SIK3: variants seen among roughly 807,000 people sequenced by gnomAD.
The protein encoded by SIK3 is serine/threonine-protein kinase SIK3.
SIK3 carries 28 observed loss-of-function variants against 144.2 expected under a neutral mutation model. That is an observed-to-expected ratio of 0.19 (90% CI 0.14 to 0.27). SIK3 has a LOEUF of 0.27. Ranked by LOEUF, SIK3 falls within the 10% of genes least tolerant of loss-of-function variation. The probability of loss-of-function intolerance (pLI) is 1.00; values close to 1 mark genes in which losing one functional copy is unlikely to be tolerated. For synonymous variants in SIK3, 686 were observed against 676.3 expected, an observed-to-expected ratio of 1.01 and a Z score of -0.22; for missense variants, 1,319 against 1,776.0, an observed-to-expected ratio of 0.74 and a Z score of 4.62.
rs1389468305 is a variant in SIK3, at chr11:116,849,703, G to A, written c.3656-420C>T. On this transcript the variant is annotated intron_variant, in intron 21 of 24. Coordinates refer to ENST00000445177, the MANE Select transcript of SIK3 (RefSeq NM_001366686.3). The surrounding 1 kb of genome is among the most constrained non-coding windows in gnomAD (Gnocchi z 4.2). Reference sequence around the variant, plus strand: ...TCCCCCGGTGACCTCAGTGTACCACGCTGCTACTCTCCTCTTTCTACTTCT... The same window carrying A: ...TCCCCCGGTGACCTCAGTGTACCACACTGCTACTCTCCTCTTTCTACTTCT... Among the ~76,000 whole-genome samples the A allele has an allele frequency of 6.6e-6, 1 of 152,170 alleles. No homozygotes were observed. The highest frequency in any genetic ancestry group is 2.1e-4 in the South Asian group (1 of 4,824).
At chr11:116,955,249 T>C (rs893268604) in intron 2 of SIK3, among the ~76,000 whole-genome samples, 3 of 151,992 alleles carry the variant, frequency 2.0e-5, no homozygotes, top group Non-Finnish European at 4.4e-5. Flanking sequence ...AATACAAAAA[T>C]TAGCTGGGCG....
chr11:116,858,727 A>G lies in SIK3; in HGVS notation c.2766-28T>C. On this transcript the variant is annotated intron_variant, in intron 20 of 24. Transcript: ENST00000445177. The surrounding 1 kb of genome is among the most constrained non-coding windows in gnomAD (Gnocchi z 5.4). ...GCAGACACAAAAGGGAGTACCAGAC[A>G]TCCATGTAACAAGTACTAGACTTCC... is the stretch of plus-strand genomic sequence containing the variant. 1 of 1,520,422 alleles carries G rather than the reference A, an allele frequency of 6.6e-7. No homozygotes were observed. The highest frequency in any genetic ancestry group is 8.8e-7 in the Non-Finnish European group (1 of 1,134,106). The allele number at this position is 1,520,422 out of a possible 1,614,324, so 94.2% of individuals were successfully genotyped here. A position where few individuals can be genotyped will look rare whatever the true frequency, so the allele number is the denominator to read the frequency against.
intron 1 of SIK3, among the ~76,000 whole-genome samples, chr11:117,033,569 C>T (rs1168130255): frequency 9.9e-5 from 15 of 151,490 alleles, no homozygotes; most frequent in Non-Finnish European, 1.6e-4. Flanking sequence ...ATTAGCCAGG[C>T]GTCGTGGTGG....
At chr11:117,013,092 C>T (rs139083917) in intron 1 of SIK3, among the ~76,000 whole-genome samples, 33 of 152,140 alleles carry the variant, frequency 2.2e-4, no homozygotes, top group African/African-American at 7.5e-4. Flanking sequence ...ATAGTAGGTA[C>T]CCAACTTTTT....
chr11:117,029,546 G>A (rs1210940203), intron 1 of SIK3, among the ~76,000 whole-genome samples: 1 of 152,144 alleles, frequency 6.6e-6, no homozygotes, highest in Non-Finnish European at 1.5e-5. Context: ...GGGCGTATCA[G>A]TTAAGACACC....
chr11:116,881,346 T>C (rs767485388), intron 6 of SIK3, among the ~76,000 whole-genome samples: 14 of 151,894 alleles, frequency 9.2e-5, no homozygotes, highest in Non-Finnish European at 1.9e-4. Context: ...GCAGTGAGAG[T>C]CACTGTGGGC....
At chr11:116,996,509 C>A (rs1346040859) in intron 1 of SIK3, among the ~76,000 whole-genome samples, 1 of 151,924 alleles carries the variant, frequency 6.6e-6, no homozygotes, top group Admixed American at 6.6e-5. Flanking sequence ...GGGGGAGACC[C>A]AACAGGATTA....
intron 3 of SIK3, chr11:116,950,389 AG>A: frequency 3.7e-6 from 1 of 270,164 alleles, no homozygotes; most frequent in South Asian, 3.0e-5. Context: ...ATCAAAATGG[AG>A]TCACTCATGC....
At chr11:117,001,380 C>T (rs1191248742) in intron 1 of SIK3, among the ~76,000 whole-genome samples, 1 of 152,128 alleles carries the variant, frequency 6.6e-6, no homozygotes, top group Non-Finnish European at 1.5e-5. Context: ...GCGGTGTGCA[C>T]CTATATTCCC....
chr11:116,917,275 G>A (rs978082291), intron 4 of SIK3, among the ~76,000 whole-genome samples: 3 of 152,036 alleles, frequency 2.0e-5, no homozygotes, highest in Non-Finnish European at 2.9e-5. Flanking sequence ...TTATATAAAC[G>A]TTCTTAGAGT....
intron 1 of SIK3, among the ~76,000 whole-genome samples, chr11:116,977,377 A>C (rs1047310292): frequency 1.3e-5 from 2 of 152,142 alleles, no homozygotes; most frequent in African/African-American, 4.8e-5. Flanking sequence ...CATCATGCCC[A>C]GCCAGAAATT....
chr11:116,846,117 AAC>A lies in SIK3; in HGVS notation c.*13+264_*13+265del, dbSNP rs1941924310. Among the ~76,000 whole-genome samples the A allele has an allele frequency of 6.6e-6, 1 of 152,240 alleles. No individual in the cohort carries two copies. The highest frequency in any genetic ancestry group is 2.1e-4 in the South Asian group (1 of 4,824). On this transcript the variant is annotated intron_variant, in intron 24 of 24. Transcript: ENST00000445177. The surrounding 1 kb of genome is among the most constrained non-coding windows in gnomAD (Gnocchi z 4.1). ...TCGCTATGAAGGCTAGAGCACCTGT[AAC>A]ACACGGCGAGTCTTGTGTCTTATTC...
At chr11:116,917,518 G>A (rs1946708807) in intron 4 of SIK3, among the ~76,000 whole-genome samples, 1 of 151,994 alleles carries the variant, frequency 6.6e-6, no homozygotes, top group Non-Finnish European at 1.5e-5. Flanking sequence ...GGACCAGCCT[G>A]AGCAGCAAAA....
intron 15 of SIK3, chr11:116,864,884 C>G (rs1943549236): frequency 6.6e-6 from 1 of 152,186 alleles, no homozygotes; most frequent in East Asian, 1.9e-4. Context: ...AGCGCGGGAC[C>G]AGGAGGAATC....
chr11:116,986,297 C>T (rs1428322780), intron 1 of SIK3, among the ~76,000 whole-genome samples: 1 of 152,200 alleles, frequency 6.6e-6, no homozygotes. Flanking sequence ...CCTGTAATAA[C>T]AACTACTTTA....
intron 3 of SIK3, among the ~76,000 whole-genome samples, chr11:116,936,405 A>C (rs946680965): frequency 1.3e-5 from 2 of 152,048 alleles, no homozygotes; most frequent in Non-Finnish European, 2.9e-5. Flanking sequence ...CAAACTCTTT[A>C]CCTCAAGTAA....
intron 1 of SIK3, among the ~76,000 whole-genome samples, chr11:117,086,096 AAAAGC>A (rs1194827945): frequency 6.6e-6 from 1 of 152,248 alleles, no homozygotes; most frequent in African/African-American, 2.4e-5. Flanking sequence ...GAGATAAAAG[AAAAGC>A]AGTTACCACC....
chr11:116,916,174 A>G (rs1257995362), intron 4 of SIK3, among the ~76,000 whole-genome samples: 1 of 152,200 alleles, frequency 6.6e-6, no homozygotes, highest in Non-Finnish European at 1.5e-5. Context: ...ACTACTTGAG[A>G]TGGTAAATTA....
intron 1 of SIK3, among the ~76,000 whole-genome samples, chr11:116,960,572 G>A (rs1949305945): frequency 6.6e-6 from 1 of 152,114 alleles, no homozygotes; most frequent in South Asian, 2.1e-4. Flanking sequence ...GCTTTATTTA[G>A]CAGTTGAATA....
Sources: allele counts gnomAD v4.1 joint callset (sites outside exome capture counted in the v4.1 genomes callset), GRCh38; gene constraint gnomAD v4.1.1; non-coding constraint Gnocchi (gnomAD v3.1); transcripts MANE v1.5; gene names NCBI Gene and HGNC (gene_info 2026-07-23, HGNC 2026-07-21).